SIPA1L1: variants seen among roughly 807,000 people sequenced by gnomAD.
The protein encoded by SIPA1L1 is signal induced proliferation associated 1 like 1, also known as signal-induced proliferation-associated 1-like protein 1.
SIPA1L1 carries 26 observed loss-of-function variants against 162.7 expected under a neutral mutation model. The ratio of observed to expected loss-of-function variants is 0.16; its 90% CI spans 0.12 to 0.22. The LOEUF (loss-of-function observed/expected upper bound fraction) is 0.22, where lower values mean the gene tolerates loss of function less well. SIPA1L1 is among the 10% of genes least tolerant of loss of function. The probability of loss-of-function intolerance (pLI) is 1.00; values close to 1 mark genes in which losing one functional copy is unlikely to be tolerated. For synonymous variants in SIPA1L1, 829 were observed against 837.4 expected, an observed-to-expected ratio of 0.99 and a Z score of 0.17; for missense variants, 1,874 against 2,241.0, an observed-to-expected ratio of 0.84 and a Z score of 3.31.
intron 4 of SIPA1L1, among the ~76,000 whole-genome samples, chr14:71,576,957 C>T (rs944669826): frequency 4.0e-5 from 6 of 151,792 alleles, no homozygotes; most frequent in Non-Finnish European, 7.4e-5. Flanking sequence ...GTGGCGGGCA[C>T]CTGCAGTCCC....
At chr14:71,658,485 C>G (rs370834222) in intron 9 of SIPA1L1, 49 bp downstream of exon 9, 7 of 1,204,590 alleles carry the variant, frequency 5.8e-6, no homozygotes, top group African/African-American at 1.5e-5. Flanking sequence ...TTCATTTCCT[C>G]TAGAAGCCTA....
intron 13 of SIPA1L1, among the ~76,000 whole-genome samples, chr14:71,688,684 G>T (rs865848284): frequency 1.3e-5 from 2 of 152,090 alleles, no homozygotes; most frequent in East Asian, 3.8e-4. Context: ...TACCAGCGCC[G>T]TCCTGAGTGC....
intron 4 of SIPA1L1, among the ~76,000 whole-genome samples, chr14:71,544,983 C>T (rs1318725153): frequency 6.6e-6 from 1 of 152,108 alleles, no homozygotes; most frequent in Non-Finnish European, 1.5e-5. Context: ...CTGCCTCAGC[C>T]TTCCAAGTGT....
chr14:71,441,510 T>G (rs899226628), intron 2 of SIPA1L1, among the ~76,000 whole-genome samples: 15 of 152,386 alleles, frequency 9.8e-5, no homozygotes, highest in African/African-American at 3.6e-4. Context: ...TATACTTTTA[T>G]GCTTCTTTTG....
intron 7 of SIPA1L1, among the ~76,000 whole-genome samples, chr14:71,640,263 A>C (rs1436149345): frequency 6.6e-6 from 1 of 152,228 alleles, no homozygotes. Flanking sequence ...ATTGAAATCT[A>C]CAAGTATTAA....
intron 3 of SIPA1L1, among the ~76,000 whole-genome samples, chr14:71,515,357 T>TA (rs2051607262): frequency 6.6e-6 from 1 of 152,214 alleles, no homozygotes; most frequent in Non-Finnish European, 1.5e-5. Flanking sequence ...TGCTGAAACA[T>TA]ATCTCTAGTG....
intron 2 of SIPA1L1, among the ~76,000 whole-genome samples, chr14:71,469,440 C>T (rs2047275678): frequency 6.6e-6 from 1 of 152,144 alleles, no homozygotes; most frequent in Admixed American, 6.5e-5. Flanking sequence ...CACATTATGA[C>T]CCTCCTAGAG....
chr14:71,344,231 C>T (rs994889585), intron 2 of SIPA1L1, among the ~76,000 whole-genome samples: 2 of 152,168 alleles, frequency 1.3e-5, no homozygotes, highest in African/African-American at 4.8e-5. Context: ...GTGGTAGGGG[C>T]ACATGCAGGC....
chr14:71,386,945 T>C (rs1033550528), intron 2 of SIPA1L1, among the ~76,000 whole-genome samples: 1 of 151,986 alleles, frequency 6.6e-6, no homozygotes, highest in African/African-American at 2.4e-5. Context: ...TAGTTATGGA[T>C]AGATATTAAA....
rs569645565 is a variant in SIPA1L1 at position 71,610,975 on chromosome 14, C to T, written c.1499-7782C>T. Among the ~76,000 whole-genome samples, 168 of 152,306 alleles carry T rather than the reference C, an allele frequency of 1.1e-3. 1 individual carries two copies. Among genetic ancestry groups the T allele is most frequent in the South Asian group, 7.5e-3 (36 of 4,828 alleles). On this transcript the variant is annotated intron_variant, in intron 5 of 23. Coordinates refer to ENST00000381232, the MANE Select transcript of SIPA1L1 (RefSeq NM_001386936.1). The stretch of plus-strand genomic sequence containing the variant: ...GGCAACAGTAATTATAAGCTTAGTG[C>T]CATGCTTTGGGACAGAATTCTGGCA...
At chr14:71,634,465 T>TA (rs1029003468) in intron 7 of SIPA1L1, among the ~76,000 whole-genome samples, 3 of 151,646 alleles carry the variant, frequency 2.0e-5, no homozygotes, top group African/African-American at 7.3e-5. Context: ...TTTTTTTTTT[T>TA]ATCAGAAATC....
chr14:71,678,879 T>G (rs1363050309), intron 12 of SIPA1L1, among the ~76,000 whole-genome samples: 3 of 151,702 alleles, frequency 2.0e-5, no homozygotes, highest in Non-Finnish European at 1.5e-5. Context: ...GAAGAGAAGT[T>G]TAGAGAAAAA....
chr14:71,474,215 G>A (rs2047679458), intron 2 of SIPA1L1, among the ~76,000 whole-genome samples: 1 of 152,236 alleles, frequency 6.6e-6, no homozygotes, highest in African/African-American at 2.4e-5. Context: ...AGTTGGCAGA[G>A]CTGAGACTTC....
intron 18 of SIPA1L1, 27 bp downstream of exon 18, chr14:71,723,913 G>T (rs1431296736): frequency 1.5e-5 from 24 of 1,613,044 alleles, no homozygotes; most frequent in Non-Finnish European, 2.0e-5. Context: ...TTCCCTTGCT[G>T]GTGGCTTGCT....
chr14:71,532,158 T>C (rs2053506454), intron 4 of SIPA1L1, among the ~76,000 whole-genome samples: 1 of 152,156 alleles, frequency 6.6e-6, no homozygotes. Flanking sequence ...TTTGTTGAAA[T>C]TGTTTGAAGA....
chr14:71,677,861 G>C (rs1357879286), intron 12 of SIPA1L1, among the ~76,000 whole-genome samples: 4 of 152,198 alleles, frequency 2.6e-5, no homozygotes, highest in African/African-American at 7.2e-5. Context: ...GTACCATGCT[G>C]TTTTGGTTAC....
intron 17 of SIPA1L1, among the ~76,000 whole-genome samples, chr14:71,721,781 G>C (rs2083761897): frequency 6.6e-6 from 1 of 152,204 alleles, no homozygotes; most frequent in Non-Finnish European, 1.5e-5. Context: ...GTCACATGGG[G>C]TCATGTGCAC....
chr14:71,694,978 C>A (rs2149716784), intron 13 of SIPA1L1, among the ~76,000 whole-genome samples: 1 of 152,242 alleles, frequency 6.6e-6, no homozygotes, highest in Non-Finnish European at 1.5e-5. Context: ...GGTACTGCTC[C>A]CAGTTCTTGA....
chr14:71,626,122 C>G (rs2148639172), intron 7 of SIPA1L1, among the ~76,000 whole-genome samples: 1 of 152,266 alleles, frequency 6.6e-6, no homozygotes, highest in East Asian at 1.9e-4. Context: ...ATTAAAATGT[C>G]CCTTCCTTCA....
Sources: allele counts gnomAD v4.1 joint callset (sites outside exome capture counted in the v4.1 genomes callset), GRCh38; gene constraint gnomAD v4.1.1; transcripts MANE v1.5; gene names NCBI Gene and HGNC (gene_info 2026-07-23, HGNC 2026-07-21).